Variants in TMEM132B observed in about 807,000 individuals in gnomAD.
TMEM132B encodes the protein transmembrane protein 132B.
In TMEM132B, 18 loss-of-function variants were observed where a neutral mutation model predicts 90.8. The observed-to-expected ratio is 0.20, with a 90% CI of 0.14 to 0.29. The LOEUF is 0.29. Among genes scored for constraint, TMEM132B ranks in the 10% least tolerant of loss-of-function variants. The probability of loss-of-function intolerance (pLI) is 1.00; values close to 1 mark genes in which losing one functional copy is unlikely to be tolerated. For synonymous variants in TMEM132B, 504 were observed against 523.3 expected (o/e 0.96, Z 0.50); for missense variants, 1,096 against 1,326.8 (o/e 0.83, Z 2.70).
intron 1 of TMEM132B, among the ~76,000 whole-genome samples, chr12:125,258,278 T>C (rs1593058660): frequency 6.6e-6 from 1 of 152,200 alleles, no homozygotes; most frequent in Non-Finnish European, 1.5e-5. Flanking sequence ...CATTTTATTA[T>C]GTTCTCAGGT....
At chr12:125,527,076 A>T (rs1883488392) in intron 4 of TMEM132B, among the ~76,000 whole-genome samples, 1 of 133,098 alleles carries the variant, frequency 7.5e-6, no homozygotes, top group African/African-American at 2.9e-5. Flanking sequence ...TTACCCTTCT[A>T]TCCACCCATC....
intron 1 of TMEM132B, among the ~76,000 whole-genome samples, chr12:125,219,296 A>C (rs577562405): frequency 2.0e-5 from 3 of 152,192 alleles, no homozygotes; most frequent in Non-Finnish European, 4.4e-5. Context: ...GCAGAATTCT[A>C]TTATCTTCCT....
intron 6 of TMEM132B, 35 bp from the exon 7 acceptor site, chr12:125,650,648 A>G (rs749765969): frequency 7.5e-6 from 12 of 1,591,492 alleles, no homozygotes; most frequent in Admixed American, 5.0e-5. Context: ...CTTAACAATG[A>G]AGACTTTGTT....
rs1277140949 is a variant in TMEM132B at position 125,653,712 on chromosome 12, A to G, written c.2254A>G (p.Ile752Val). Residue 752 changes from isoleucine (I) to valine (V), a missense_variant, in exon 9 of 9, where the codon ATT (isoleucine) becomes GTT (valine). Ile to Val is a conservative substitution (Grantham distance 29). Transcript: ENST00000682704. Reference sequence around the variant, plus strand: ...GGCAAACCTTGAGTCCAAATGGCCAATTGTGGTTGCAGAGGGTGAAGGACA... The same window carrying G: ...GGCAAACCTTGAGTCCAAATGGCCAGTTGTGGTTGCAGAGGGTGAAGGACA... ...VQANLESKWPIVVAEGEGQGP... is the reference protein window; with the variant it reads ...VQANLESKWPVVVAEGEGQGP... 2.5e-6 allele frequency: 4 copies of G among 1,614,206 alleles called. No homozygotes were observed. The highest frequency in any genetic ancestry group is 2.2e-5 in the South Asian group (2 of 91,086).
chr12:125,354,907 T>C lies in TMEM132B; in HGVS notation c.959+4564T>C, dbSNP rs146334756. On this transcript the variant is annotated intron_variant, in intron 2 of 8. Transcript: ENST00000682704. ...CCTCACTGTGTTATCACAGCCAGCA[T>C]ACAAGGTAAGTACTAGTCACGTCCA... Among the ~76,000 whole-genome samples, 39 of 152,330 alleles carry C rather than the reference T, an allele frequency of 2.6e-4. 1 individual carries two copies. In the East Asian group the frequency reaches 7.3e-3, roughly 29 times the overall value.
At chr12:125,598,792 TG>T (rs2136914023) in intron 5 of TMEM132B, among the ~76,000 whole-genome samples, 1 of 152,210 alleles carries the variant, frequency 6.6e-6, no homozygotes, top group African/African-American at 2.4e-5. Context: ...TCATGACTCC[TG>T]GTTATGAGTG....
At chr12:125,197,763 C>G (rs981963172) in intron 1 of TMEM132B, among the ~76,000 whole-genome samples, 1 of 152,164 alleles carries the variant, frequency 6.6e-6, no homozygotes, top group Admixed American at 6.5e-5. Flanking sequence ...AACAAGCCAT[C>G]ATTTTTAATG....
intron 1 of TMEM132B, among the ~76,000 whole-genome samples, chr12:125,314,549 G>T (rs1876210428): frequency 6.6e-6 from 1 of 152,102 alleles, no homozygotes; most frequent in South Asian, 2.1e-4. Flanking sequence ...GGCTCAGAGG[G>T]GCTCAGCTAC....
At chr12:125,432,957 T>C (rs1593144509) in intron 3 of TMEM132B, among the ~76,000 whole-genome samples, 1 of 152,282 alleles carries the variant, frequency 6.6e-6, no homozygotes, top group East Asian at 1.9e-4. Context: ...CAAAAGCACC[T>C]CAGAGTGGAA....
At chr12:125,240,997 G>C (rs76501230) in intron 1 of TMEM132B, among the ~76,000 whole-genome samples, 2,536 of 152,296 alleles carry the variant, frequency 0.017, 43 homozygotes, top group East Asian at 0.054. Context: ...GGTGGTGGGC[G>C]GGGGTAGGGC....
intron 4 of TMEM132B, among the ~76,000 whole-genome samples, chr12:125,565,102 A>G (rs1438525328): frequency 2.6e-5 from 4 of 152,168 alleles, no homozygotes; most frequent in African/African-American, 9.6e-5. Context: ...AGGCATGGGT[A>G]CAGTTGTGAT....
At chr12:125,257,252 G>A (rs147173314) in intron 1 of TMEM132B, among the ~76,000 whole-genome samples, 6 of 152,126 alleles carry the variant, frequency 3.9e-5, no homozygotes. Context: ...GCTGCTGGGA[G>A]CTATGATCAT....
intron 2 of TMEM132B, among the ~76,000 whole-genome samples, chr12:125,366,302 A>G (rs1275126015): frequency 2.0e-5 from 3 of 152,142 alleles, no homozygotes; most frequent in African/African-American, 4.8e-5. Flanking sequence ...GGTTGATTCC[A>G]TATTGTGGCT....
At chr12:125,310,538 C>T (rs1336578569) in intron 1 of TMEM132B, among the ~76,000 whole-genome samples, 1 of 152,126 alleles carries the variant, frequency 6.6e-6, no homozygotes, top group African/African-American at 2.4e-5. Context: ...TGAACCCAGG[C>T]CTATAAGTTA....
intron 1 of TMEM132B, among the ~76,000 whole-genome samples, chr12:125,322,287 G>A (rs1361837202): frequency 1.3e-5 from 2 of 152,218 alleles, no homozygotes; most frequent in Non-Finnish European, 2.9e-5. Flanking sequence ...CATGTAAGAT[G>A]TGCCTTTGTT....
intron 1 of TMEM132B, among the ~76,000 whole-genome samples, chr12:125,334,184 A>G (rs1454262936): frequency 2.0e-5 from 3 of 152,250 alleles, no homozygotes; most frequent in East Asian, 3.8e-4. Flanking sequence ...ATTATGTGAT[A>G]TCAGTTTTAA....
At chr12:125,644,394 G>T in intron 6 of TMEM132B, 113 bp downstream of exon 6, 1 of 1,184,194 alleles carries the variant, frequency 8.4e-7, no homozygotes, top group Non-Finnish European at 1.2e-6. Context: ...TCCACAGCGG[G>T]AAGCGTGGTC....
chr12:125,458,034 G>T lies in TMEM132B; in HGVS notation c.1106+42357G>T, dbSNP rs1162589198. 6.6e-6 allele frequency among the ~76,000 whole-genome samples: 1 copy of T among 152,130 alleles called. No individual in the cohort carries two copies. The highest frequency in any genetic ancestry group is 1.5e-5 in the Non-Finnish European group (1 of 68,018). ...GTACGTCTCAGGTGATCCCTGGAGA[G>T]GTTTGAAGAAGGAGGCAGAGGGTGG... On this transcript the variant is annotated intron_variant, in intron 3 of 8. Transcript: ENST00000682704. This position sits in a 1 kb window ranked among gnomAD's most constrained non-coding sequence, Gnocchi z 4.9.
intron 1 of TMEM132B, among the ~76,000 whole-genome samples, chr12:125,268,194 T>A (rs900598119): frequency 6.6e-6 from 1 of 152,214 alleles, no homozygotes; most frequent in Non-Finnish European, 1.5e-5. Context: ...AATGAGGAAA[T>A]TGGGACTCGG....
Sources: allele counts gnomAD v4.1 joint callset (sites outside exome capture counted in the v4.1 genomes callset), GRCh38; gene constraint gnomAD v4.1.1; non-coding constraint Gnocchi (gnomAD v3.1); transcripts MANE v1.5; gene names NCBI Gene and HGNC (gene_info 2026-07-23, HGNC 2026-07-21).